Variants in ADGRV1 observed in about 807,000 individuals in gnomAD.
ADGRV1 encodes adhesion G protein-coupled receptor V1, also known as G-protein coupled receptor 98.
Under a neutral mutation model 596.2 loss-of-function variants are expected in ADGRV1, and 359 were observed. That is an observed-to-expected ratio of 0.60 (90% CI 0.55 to 0.66). The LOEUF is 0.66. ADGRV1 is among the 30% of genes least tolerant of loss of function. The pLI, the probability that ADGRV1 is intolerant of heterozygous loss-of-function variation, is 0.00. For synonymous variants in ADGRV1, 2,681 were observed against 2,679.2 expected (o/e 1.00, Z -0.02); for missense variants, 7,274 against 7,575.6 (o/e 0.96, Z 1.48).
intron 78 of ADGRV1, 82 bp downstream of exon 78, chr5:90,841,067 C>A (rs1246483777): frequency 3.4e-6 from 3 of 892,122 alleles, no homozygotes; most frequent in Non-Finnish European, 4.8e-6. Context: ...ATCACATTCT[C>A]TTTTAACATT....
chr5:90,672,196 A>G (rs559351576), intron 21 of ADGRV1, among the ~76,000 whole-genome samples: 46 of 152,316 alleles, frequency 3.0e-4, no homozygotes, highest in African/African-American at 1.1e-3. Context: ...TTAGAATTCT[A>G]CTTATCCAGA....
chr5:90,779,187 A>C (rs1758586481), intron 64 of ADGRV1, 90 bp downstream of exon 64: 2 of 691,460 alleles, frequency 2.9e-6, no homozygotes, highest in Non-Finnish European at 4.8e-6. Flanking sequence ...ACTGAGCTCT[A>C]AAGCAGTTCT....
intron 30 of ADGRV1, 59 bp downstream of exon 30, chr5:90,690,135 T>C (rs1464352070): frequency 2.0e-6 from 2 of 992,236 alleles, no homozygotes; most frequent in Non-Finnish European, 3.0e-6. Context: ...TCATAGATAA[T>C]GATCTTTACT....
At chr5:90,790,838 A>ATATAACT (rs754856538) in intron 69 of ADGRV1, 35 bp from the exon 70 acceptor site, 1 of 1,398,970 alleles carries the variant, frequency 7.1e-7, no homozygotes, top group African/African-American at 1.4e-5. Context: ...ATACTGAATT[A>ATATAACT]TATAACTTTG....
chr5:90,901,074 T>A (rs770704156), intron 83 of ADGRV1, among the ~76,000 whole-genome samples: 1 of 152,146 alleles, frequency 6.6e-6, no homozygotes, highest in Non-Finnish European at 1.5e-5. Flanking sequence ...AGAGATATAA[T>A]AATCTTGGTT....
rs774414461 is a variant in ADGRV1, at chr5:90,622,623, C to T, written c.480C>T (p.Pro160=). The change falls in exon 5 of 90, where the codon CCC becomes CCT. Residue 160 remains proline, a synonymous_variant. Coordinates refer to ENST00000405460, the MANE Select transcript of ADGRV1 (RefSeq NM_032119.4). ...NMLPSIAVSE[P]KGRNESMPLT... is the part of the protein sequence containing the mutation. Reference sequence around the variant, plus strand: ...TTCCCTCAATCGCAGTGAGTGAGCCCAAGGGCAGAAATGAGTCTATGCCTC... The same window carrying T: ...TTCCCTCAATCGCAGTGAGTGAGCCTAAGGGCAGAAATGAGTCTATGCCTC... 7 of 1,488,380 alleles carry T rather than the reference C, an allele frequency of 4.7e-6. No individual in the cohort carries two copies. The highest frequency in any genetic ancestry group is 2.5e-5 in the East Asian group (1 of 39,818). 92.2% of individuals were successfully genotyped at this position (1,488,380 alleles called of 1,614,324 possible).
chr5:90,683,250 G>A (rs1745178908), intron 27 of ADGRV1, among the ~76,000 whole-genome samples: 2 of 151,950 alleles, frequency 1.3e-5, no homozygotes, highest in South Asian at 4.2e-4. Context: ...TTGGTGTGTT[G>A]CCCAGGCTGG....
chr5:90,754,296 CT>C (rs200862809), intron 54 of ADGRV1, among the ~76,000 whole-genome samples: 2,407 of 152,208 alleles, frequency 0.016, 51 homozygotes, highest in African/African-American at 0.054. Context: ...GTCAATTTCT[CT>C]TTTGAGTACT....
At chr5:90,921,248 GA>G (rs1773847672) in intron 83 of ADGRV1, among the ~76,000 whole-genome samples, 1 of 152,166 alleles carries the variant, frequency 6.6e-6, no homozygotes, top group African/African-American at 2.4e-5. Context: ...CACACTGTGT[GA>G]ATGGGTGTGT....
intron 1 of ADGRV1, among the ~76,000 whole-genome samples, chr5:90,570,591 G>A (rs1283421131): frequency 1.3e-5 from 2 of 152,018 alleles, no homozygotes; most frequent in East Asian, 3.9e-4. Context: ...AGTCCTATAG[G>A]ACTCTGAGGC....
chr5:91,098,636 C>A (rs1428072594), intron 86 of ADGRV1, among the ~76,000 whole-genome samples: 1 of 152,134 alleles, frequency 6.6e-6, no homozygotes, highest in Admixed American at 6.5e-5. Context: ...TTTTTCCTTA[C>A]GGAGTTTCTA....
chr5:91,154,717 A>G (rs1489035569), intron 89 of ADGRV1, among the ~76,000 whole-genome samples: 1 of 152,222 alleles, frequency 6.6e-6, no homozygotes, highest in African/African-American at 2.4e-5. Flanking sequence ...GAAATGTACA[A>G]TCATGGCGGA....
chr5:90,796,926 A>G (rs912924854), intron 70 of ADGRV1, among the ~76,000 whole-genome samples: 1 of 152,170 alleles, frequency 6.6e-6, no homozygotes, highest in African/African-American at 2.4e-5. Context: ...AAATGCTGAG[A>G]GATTTTGTCA....
intron 73 of ADGRV1, among the ~76,000 whole-genome samples, chr5:90,808,979 C>T (rs1327783618): frequency 6.7e-6 from 1 of 149,146 alleles, no homozygotes; most frequent in African/African-American, 2.5e-5. Flanking sequence ...TGGAGACTCG[C>T]TCTTTCGCCC....
At chr5:90,700,090 A>G (rs569477812) in intron 34 of ADGRV1, among the ~76,000 whole-genome samples, 8 of 152,304 alleles carry the variant, frequency 5.3e-5, no homozygotes, top group Admixed American at 2.6e-4. Context: ...ATTAAGCCAC[A>G]ATAGTTCAGT....
At chr5:90,930,110 T>G (rs1319196241) in intron 83 of ADGRV1, among the ~76,000 whole-genome samples, 3 of 152,188 alleles carry the variant, frequency 2.0e-5, no homozygotes, top group Admixed American at 2.0e-4. Flanking sequence ...AATATATGAT[T>G]TGTCTAGCAA....
At chr5:90,864,637 A>T in intron 83 of ADGRV1, among the ~76,000 whole-genome samples, 1 of 152,166 alleles carries the variant, frequency 6.6e-6, no homozygotes, top group East Asian at 1.9e-4. Context: ...GTGAAAATTC[A>T]GTTTGTTGTT....
intron 27 of ADGRV1, among the ~76,000 whole-genome samples, chr5:90,682,040 A>G (rs1220868097): frequency 6.6e-6 from 1 of 151,854 alleles, no homozygotes. Context: ...CTAATTTTGT[A>G]TTTTTAGTAG....
At chr5:90,573,837 T>C (rs1225586524) in intron 1 of ADGRV1, among the ~76,000 whole-genome samples, 4 of 152,092 alleles carry the variant, frequency 2.6e-5, no homozygotes, top group Non-Finnish European at 5.9e-5. Context: ...TGTTCATTCA[T>C]GTGTGTGTGT....
Sources: gnomAD v4.1 joint callset for allele counts (sites outside exome capture counted in the v4.1 genomes callset) on GRCh38, gnomAD v4.1.1 for gene constraint, MANE v1.5 for transcripts, NCBI Gene and HGNC (gene_info 2026-07-23, HGNC 2026-07-21) for gene names.